The following PTCD2 variants were observed in gnomAD, a reference collection of about 807,000 sequenced individuals.
The protein encoded by PTCD2 is pentatricopeptide repeat domain 2.
A neutral mutation model predicts 42.6 loss-of-function variants in PTCD2; 31 were observed. The ratio of observed to expected loss-of-function variants is 0.73; its 90% CI spans 0.55 to 0.98. The LOEUF (loss-of-function observed/expected upper bound fraction) is 0.98. PTCD2 is among the 50% of genes least tolerant of loss of function. PTCD2 has a pLI of 0.00. For synonymous variants in PTCD2, 183 were observed against 170.9 expected, an observed-to-expected ratio of 1.07 and a Z score of -0.55; for missense variants, 476 against 454.8, an observed-to-expected ratio of 1.05 and a Z score of -0.42.
At chr5:72,345,967 A>G (rs1752337878) in intron 8 of PTCD2, among the ~76,000 whole-genome samples, 1 of 152,220 alleles carries the variant, frequency 6.6e-6, no homozygotes, top group South Asian at 2.1e-4. Flanking sequence ...CATAGTAGTT[A>G]TCCTCAAATG....
intron 2 of PTCD2, among the ~76,000 whole-genome samples, chr5:72,324,147 G>A (rs766121862): frequency 2.0e-5 from 3 of 152,170 alleles, no homozygotes; most frequent in African/African-American, 7.2e-5. Flanking sequence ...TTAGATCTAT[G>A]TGAGGTTTGC....
chr5:72,343,092 A>G lies in PTCD2; in HGVS notation c.828+56A>G, dbSNP rs533837312. On this transcript the variant is annotated intron_variant, in intron 8 of 9. Coordinates refer to ENST00000380639, the MANE Select transcript of PTCD2 (RefSeq NM_024754.5). ...CCTTGAAATGTATTATAATAAATGT[A>G]TTATAATAAAATTATACCTAAATTT... The G allele has an allele frequency of 9.9e-6, 9 of 904,988 alleles. No individual in the cohort carries two copies. The African/African-American group carries it at 1.4e-4, about 14-fold the overall frequency. The allele number at this position is 904,988 out of a possible 1,614,324, so 56.1% of individuals were successfully genotyped here.
intron 1 of PTCD2, among the ~76,000 whole-genome samples, chr5:72,321,649 G>T (rs1290161169): frequency 6.6e-6 from 1 of 152,130 alleles, no homozygotes; most frequent in Non-Finnish European, 1.5e-5. Flanking sequence ...TGATTTCCAT[G>T]TATCTCAAAT....
At chr5:72,340,995 C>T (rs1752026424) in intron 7 of PTCD2, among the ~76,000 whole-genome samples, 1 of 147,014 alleles carries the variant, frequency 6.8e-6, no homozygotes, top group Non-Finnish European at 1.5e-5. Context: ...GACAGAGTCT[C>T]ACTCTGTCTC....
chr5:72,356,960 G>A (rs1222377102), intron 9 of PTCD2, among the ~76,000 whole-genome samples: 1 of 152,176 alleles, frequency 6.6e-6, no homozygotes, highest in African/African-American at 2.4e-5. Flanking sequence ...TGTTGAGATT[G>A]TACCCTTGAT....
In PTCD2 at chr5:72,322,227, G is replaced by T; in HGVS notation, c.183G>T (p.Lys61Asn). The T allele has an allele frequency of 3.7e-6, 6 of 1,602,450 alleles. No individual in the cohort carries two copies. Among genetic ancestry groups the T allele is most frequent in the Non-Finnish European group, 5.1e-6 (6 of 1,169,872 alleles). ...NVVKLKEFQQ[K>N]KVAVACNLSG... Reference sequence around the variant, plus strand: ...TGAAATTAAAAGAATTTCAACAAAAGAAAGTGGCTGTTGCATGTAATCTTT... The same window carrying T: ...TGAAATTAAAAGAATTTCAACAAAATAAAGTGGCTGTTGCATGTAATCTTT... The change falls in exon 2 of 10, where the codon AAG (lysine) becomes AAT (asparagine). Residue 61 changes from lysine (K) to asparagine (N), a missense_variant. Coordinates refer to ENST00000380639, the MANE Select transcript of PTCD2 (RefSeq NM_024754.5).
At chr5:72,335,403 T>C (rs1751680502) in intron 5 of PTCD2, among the ~76,000 whole-genome samples, 1 of 146,672 alleles carries the variant, frequency 6.8e-6, no homozygotes, top group Non-Finnish European at 1.5e-5. Context: ...GAGCCGAGAT[T>C]GCGCCACTGC....
intron 4 of PTCD2, among the ~76,000 whole-genome samples, chr5:72,334,460 C>T (rs542648781): frequency 4.4e-4 from 67 of 152,264 alleles, no homozygotes; most frequent in African/African-American, 1.5e-3. Flanking sequence ...TCCTTAAAGA[C>T]GTCCTTCATG....
In PTCD2 at chr5:72,360,257, GAAT is replaced by G. The variant is rs1753062337; in HGVS notation, c.*1835_*1837del. On this transcript the variant is annotated 3_prime_UTR_variant, in exon 10 of 10. Coordinates refer to ENST00000380639, the MANE Select transcript of PTCD2 (RefSeq NM_024754.5). ...GGATTTCTCCACTTTCAGTCTTAGG[GAAT>G]AATAGGGCATGCTTCCTGTCCCCCC... 1 of 151,864 alleles carries G rather than the reference GAAT, an allele frequency of 6.6e-6. No individual in the cohort carries two copies. Among genetic ancestry groups the G allele is most frequent in the Admixed American group, 6.6e-5 (1 of 15,236 alleles). The allele number at this position is 151,864 out of a possible 1,614,324, so 9.4% of individuals were successfully genotyped here.
At chr5:72,335,378 A>G (rs915950453) in intron 5 of PTCD2, among the ~76,000 whole-genome samples, 1 of 149,730 alleles carries the variant, frequency 6.7e-6, no homozygotes, top group Non-Finnish European at 1.5e-5. Flanking sequence ...GAACCCGGGA[A>G]GCGGAGCTTG....
At position 72,360,154 on chromosome 5, in the gene PTCD2, C is replaced by T. The variant is rs1012003466; in HGVS notation, c.*1727C>T. On this transcript the variant is annotated 3_prime_UTR_variant, in exon 10 of 10. Coordinates refer to ENST00000380639, the MANE Select transcript of PTCD2 (RefSeq NM_024754.5). ...ACAGCCCCATTTAGAGAAACAAATT[C>T]TCTGCCCTCATAGAATCCTAATTGT... 3 of 151,718 alleles carry T rather than the reference C, an allele frequency of 2.0e-5. No individual in the cohort carries two copies. The highest frequency in any genetic ancestry group is 7.3e-5 in the African/African-American group (3 of 41,242). The allele number at this position is 151,718 out of a possible 1,614,324, so 9.4% of individuals were successfully genotyped here. A position where few individuals can be genotyped will look rare whatever the true frequency, so the allele number is the denominator to read the frequency against.
chr5:72,351,690 G>A (rs1392710367), intron 8 of PTCD2, among the ~76,000 whole-genome samples: 2 of 152,120 alleles, frequency 1.3e-5, no homozygotes, highest in African/African-American at 4.8e-5. Flanking sequence ...AAAACCATCA[G>A]TTTTCATGAG....
chr5:72,324,236 C>A (rs1309266694), intron 2 of PTCD2, among the ~76,000 whole-genome samples: 3 of 152,150 alleles, frequency 2.0e-5, no homozygotes, highest in Non-Finnish European at 4.4e-5. Flanking sequence ...TGTACATGTT[C>A]TGAAAGGCAA....
chr5:72,358,187 T>C lies in PTCD2; in HGVS notation c.943-16T>C. 1.9e-6 allele frequency: 3 copies of C among 1,605,390 alleles called. No homozygotes were observed. The highest frequency in any genetic ancestry group is 2.6e-6 in the Non-Finnish European group (3 of 1,172,972). On this transcript the variant is annotated splice_polypyrimidine_tract_variant and intron_variant, in intron 9 of 9. Coordinates refer to ENST00000380639, the MANE Select transcript of PTCD2 (RefSeq NM_024754.5). ...ATCTTGCAGAGATGTAATGATGTGT[T>C]CTTGCTTTTTTCCAGCTGGCCAAAG...
chr5:72,353,453 GT>G (rs1207969499), intron 9 of PTCD2, among the ~76,000 whole-genome samples: 1 of 152,110 alleles, frequency 6.6e-6, no homozygotes, highest in Non-Finnish European at 1.5e-5. Context: ...TAAAAACTCA[GT>G]TTTTTTCAAG....
Position 72,322,267 on chromosome 5 carries a change from A to G in PTCD2, c.220+3A>G. ...ATGTAATCTTTCTGGCACTAAAGGT[A>G]ATAGAATCTATTTTGTTAATTCTGT... On this transcript the variant is annotated splice_donor_region_variant and intron_variant, in intron 2 of 9. Coordinates refer to ENST00000380639, the MANE Select transcript of PTCD2 (RefSeq NM_024754.5). 1.3e-6 allele frequency: 2 copies of G among 1,525,558 alleles called. No homozygotes were observed. The highest frequency in any genetic ancestry group is 1.1e-5 in the South Asian group (1 of 88,652). The allele number at this position is 1,525,558 out of a possible 1,614,324, so 94.5% of individuals were successfully genotyped here.
chr5:72,340,811 A>T (rs1158402981), intron 7 of PTCD2, among the ~76,000 whole-genome samples: 1 of 151,734 alleles, frequency 6.6e-6, no homozygotes, highest in Non-Finnish European at 1.5e-5. Flanking sequence ...ATATTGGAGA[A>T]ATCTAGTATG....
intron 4 of PTCD2, among the ~76,000 whole-genome samples, chr5:72,332,339 C>T (rs944243499): frequency 4.0e-5 from 6 of 151,830 alleles, no homozygotes; most frequent in Non-Finnish European, 7.4e-5. Flanking sequence ...AAGGTTGTTT[C>T]GGAACAGTAC....
In PTCD2 at chr5:72,364,558, A is replaced by G. The variant is rs1753158985; in HGVS notation, c.*6131A>G. ...TATGACCCCAAGGTGCTTATGTAGC[A>G]TATTATTTATACATCTAATGAGGTC... On this transcript the variant is annotated 3_prime_UTR_variant, in exon 10 of 10. Coordinates refer to ENST00000380639, the MANE Select transcript of PTCD2 (RefSeq NM_024754.5). 2 of 152,248 alleles carry G rather than the reference A, an allele frequency of 1.3e-5. No homozygotes were observed. The highest frequency in any genetic ancestry group is 2.4e-5 in the African/African-American group (1 of 41,466). The allele number at this position is 152,248 out of a possible 1,614,324, so 9.4% of individuals were successfully genotyped here.
Sources: allele counts gnomAD v4.1 joint callset (sites outside exome capture counted in the v4.1 genomes callset), GRCh38; gene constraint gnomAD v4.1.1; transcripts MANE v1.5; gene names NCBI Gene and HGNC (gene_info 2026-07-23, HGNC 2026-07-21).